The following ZNF804A variants were observed in gnomAD, a reference collection of about 807,000 sequenced individuals.
ZNF804A encodes zinc finger protein 804A.
Under a neutral mutation model 16.5 loss-of-function variants are expected in ZNF804A, and 2 were observed. The observed-to-expected ratio is 0.12, with a 90% CI of 0.05 to 0.38. The LOEUF (loss-of-function observed/expected upper bound fraction) is 0.38, where lower values mean the gene tolerates loss of function less well. Among genes scored for constraint, ZNF804A ranks in the 10% least tolerant of loss-of-function variants. The probability of loss-of-function intolerance (pLI) is 0.99; values close to 1 mark genes in which losing one functional copy is unlikely to be tolerated. For synonymous variants in ZNF804A, 534 were observed against 489.6 expected (o/e 1.09, Z -1.20); for missense variants, 1,473 against 1,390.7 (o/e 1.06, Z -0.94).
At chr2:184,858,571 C>T (rs1277680553) in intron 1 of ZNF804A, among the ~76,000 whole-genome samples, 1 of 150,736 alleles carries the variant, frequency 6.6e-6, no homozygotes, top group East Asian at 1.9e-4. Flanking sequence ...ATTTTCATTC[C>T]ACTCCATCTT....
chr2:184,855,395 G>C lies in ZNF804A; in HGVS notation c.112-10974G>C, dbSNP rs142209354. On this transcript the variant is annotated intron_variant, in intron 1 of 3. Coordinates refer to ENST00000302277, the MANE Select transcript of ZNF804A (RefSeq NM_194250.2). ...GCTTGCGCTTACTGCTGGAAAGATG[G>C]ACTTGATGAAAACAGCCAGATTTTG... Among the ~76,000 whole-genome samples, 326 of 152,042 alleles carry C rather than the reference G, an allele frequency of 2.1e-3. 2 individuals carry two copies. The highest frequency in any genetic ancestry group is 7.0e-3 in the African/African-American group (289 of 41,492).
chr2:184,904,460 T>C (rs977892418), intron 2 of ZNF804A, among the ~76,000 whole-genome samples: 2 of 152,014 alleles, frequency 1.3e-5, no homozygotes, highest in Non-Finnish European at 2.9e-5. Flanking sequence ...AGTTGCTCAA[T>C]TGTGGCATGG....
intron 2 of ZNF804A, among the ~76,000 whole-genome samples, chr2:184,906,669 AT>A (rs999092341): frequency 1.3e-5 from 2 of 152,014 alleles, no homozygotes; most frequent in African/African-American, 2.4e-5. Flanking sequence ...GGCCATCAAG[AT>A]TACCAGTACC....
chr2:184,866,953 A>G (rs1695886291), intron 2 of ZNF804A, among the ~76,000 whole-genome samples: 1 of 151,394 alleles, frequency 6.6e-6, no homozygotes, highest in Admixed American at 6.6e-5. Flanking sequence ...TTCCATAGAA[A>G]GCATTTTGGA....
intron 1 of ZNF804A, among the ~76,000 whole-genome samples, chr2:184,708,446 A>C (rs1242635855): frequency 6.6e-6 from 1 of 152,136 alleles, no homozygotes; most frequent in Non-Finnish European, 1.5e-5. Flanking sequence ...GCAGAAAAAG[A>C]GACACCTCAA....
chr2:184,684,131 T>C (rs1489700861), intron 1 of ZNF804A, among the ~76,000 whole-genome samples: 1 of 152,234 alleles, frequency 6.6e-6, no homozygotes, highest in East Asian at 1.9e-4. Flanking sequence ...TCTGAAGCTA[T>C]GACTTTACAA....
At chr2:184,672,025 G>C (rs1692345847) in intron 1 of ZNF804A, among the ~76,000 whole-genome samples, 1 of 152,164 alleles carries the variant, frequency 6.6e-6, no homozygotes, top group Non-Finnish European at 1.5e-5. Context: ...AAAGTTTTCA[G>C]AACAGGGGAA....
chr2:184,822,815 A>G (rs549237190), intron 1 of ZNF804A, among the ~76,000 whole-genome samples: 2 of 152,278 alleles, frequency 1.3e-5, no homozygotes, highest in South Asian at 2.1e-4. Flanking sequence ...TGTTGCTCAA[A>G]TTAACCATTT....
chr2:184,616,379 A>G (rs975843625), intron 1 of ZNF804A, among the ~76,000 whole-genome samples: 4 of 152,174 alleles, frequency 2.6e-5, no homozygotes, highest in Admixed American at 2.0e-4. Context: ...AATATTATAC[A>G]TATTATATGT....
intron 2 of ZNF804A, among the ~76,000 whole-genome samples, chr2:184,916,071 G>A (rs1023199237): frequency 1.2e-4 from 19 of 152,162 alleles, no homozygotes; most frequent in African/African-American, 4.6e-4. Flanking sequence ...TAGAGTTGGT[G>A]ATTGAGTTGT....
chr2:184,828,142 T>C (rs189028212), intron 1 of ZNF804A, among the ~76,000 whole-genome samples: 5 of 151,944 alleles, frequency 3.3e-5, no homozygotes, highest in Admixed American at 3.3e-4. Context: ...TTTTATACAA[T>C]ATTTTATTTA....
intron 1 of ZNF804A, among the ~76,000 whole-genome samples, chr2:184,700,791 A>G (rs567142772): frequency 4.6e-5 from 7 of 152,150 alleles, no homozygotes; most frequent in African/African-American, 1.2e-4. Context: ...GAACTTGTAA[A>G]ATTTATAAAC....
intron 1 of ZNF804A, among the ~76,000 whole-genome samples, chr2:184,842,785 A>T (rs1276545116): frequency 6.6e-6 from 1 of 152,174 alleles, no homozygotes; most frequent in Non-Finnish European, 1.5e-5. Flanking sequence ...AGAAAAAATA[A>T]ATAAATAAAA....
At chr2:184,926,630 A>C (rs891972811) in intron 2 of ZNF804A, among the ~76,000 whole-genome samples, 1 of 152,106 alleles carries the variant, frequency 6.6e-6, no homozygotes, top group African/African-American at 2.4e-5. Context: ...ATTTAAGGCC[A>C]AAAACTCTTA....
At chr2:184,889,619 C>T (rs1474885294) in intron 2 of ZNF804A, among the ~76,000 whole-genome samples, 1 of 151,650 alleles carries the variant, frequency 6.6e-6, no homozygotes, top group African/African-American at 2.4e-5. Flanking sequence ...TGCATATATT[C>T]GTTTCTTTAA....
chr2:184,906,247 A>C (rs1685272275), intron 2 of ZNF804A, among the ~76,000 whole-genome samples: 1 of 152,170 alleles, frequency 6.6e-6, no homozygotes, highest in Admixed American at 6.5e-5. Flanking sequence ...ATTTGAACAC[A>C]ATATTCAAGC....
chr2:184,672,294 T>G (rs1360870888), intron 1 of ZNF804A, among the ~76,000 whole-genome samples: 2 of 152,188 alleles, frequency 1.3e-5, no homozygotes, highest in African/African-American at 4.8e-5. Context: ...TGAGAAACTG[T>G]AGATGACTTG....
chr2:184,614,049 A>G (rs1691282170), intron 1 of ZNF804A, among the ~76,000 whole-genome samples: 1 of 152,224 alleles, frequency 6.6e-6, no homozygotes, highest in Non-Finnish European at 1.5e-5. Flanking sequence ...ACAAGACTAC[A>G]GTAACCAAAA....
intron 1 of ZNF804A, among the ~76,000 whole-genome samples, chr2:184,667,937 G>C (rs1004445398): frequency 6.6e-6 from 1 of 151,572 alleles, no homozygotes; most frequent in African/African-American, 2.4e-5. Context: ...GAAAAATCAA[G>C]CATTCTTAAT....
Sources: allele counts gnomAD v4.1 joint callset (sites outside exome capture counted in the v4.1 genomes callset), GRCh38; gene constraint gnomAD v4.1.1; transcripts MANE v1.5; gene names NCBI Gene and HGNC (gene_info 2026-07-23, HGNC 2026-07-21).